EOGT: variants seen among roughly 807,000 people sequenced by gnomAD.
EOGT encodes the protein EGF domain-specific O-linked N-acetylglucosamine transferase.
EOGT carries 55 observed loss-of-function variants against 70.5 expected under a neutral mutation model. The ratio of observed to expected loss-of-function variants is 0.78; its 90% CI spans 0.63 to 0.98. The LOEUF is 0.98. EOGT is among the 50% of genes least tolerant of loss of function. EOGT has a pLI of 0.00. For synonymous variants in EOGT, 246 were observed against 217.1 expected, an observed-to-expected ratio of 1.13 and a Z score of -1.17; for missense variants, 703 against 641.9, an observed-to-expected ratio of 1.10 and a Z score of -1.03.
At chr3:68,979,547 G>C in intron 16 of EOGT, 121 bp downstream of exon 16, 6 of 1,121,186 alleles carry the variant, frequency 5.4e-6, no homozygotes, top group South Asian at 3.7e-5. Context: ...TTGTCTATAT[G>C]ATGTGACTTC....
chr3:68,984,146 G>A (rs920535912), intron 14 of EOGT, among the ~76,000 whole-genome samples: 3 of 151,986 alleles, frequency 2.0e-5, no homozygotes, highest in Non-Finnish European at 4.4e-5. Flanking sequence ...CTTAACCAGT[G>A]CACTCTATTG....
intron 7 of EOGT, 62 bp downstream of exon 7, chr3:69,005,078 A>T: frequency 1.1e-6 from 1 of 938,464 alleles, no homozygotes; most frequent in Non-Finnish European, 1.6e-6. Context: ...AAAAAAAAAA[A>T]TCCCTGGATC....
chr3:69,009,002 C>A (rs1320958253), intron 4 of EOGT, among the ~76,000 whole-genome samples: 1 of 152,212 alleles, frequency 6.6e-6, no homozygotes, highest in Admixed American at 6.5e-5. Context: ...GGGAACCACC[C>A]AGCTGCTGCT....
chr3:68,978,308 G>A (rs764944989), intron 17 of EOGT, 25 bp downstream of exon 17: 1 of 1,538,908 alleles, frequency 6.5e-7, no homozygotes, highest in Non-Finnish European at 8.9e-7. Context: ...AATGAAGCAA[G>A]GTAAGTTTTG....
intron 14 of EOGT, among the ~76,000 whole-genome samples, chr3:68,985,354 G>C (rs1354570028): frequency 6.6e-6 from 1 of 152,026 alleles, no homozygotes; most frequent in Admixed American, 6.6e-5. Context: ...AATCCATATG[G>C]GTCTCAGGAA....
intron 14 of EOGT, among the ~76,000 whole-genome samples, chr3:68,986,259 T>A (rs2090804412): frequency 6.6e-6 from 1 of 152,194 alleles, no homozygotes; most frequent in Admixed American, 6.5e-5. Context: ...CTTAATTCCA[T>A]CTGCAACCTT....
intron 3 of EOGT, among the ~76,000 whole-genome samples, chr3:69,011,051 A>G (rs2091561278): frequency 6.6e-6 from 1 of 152,170 alleles, no homozygotes; most frequent in Non-Finnish European, 1.5e-5. Context: ...ATGCCTTTAC[A>G]TTGTGAACAG....
chr3:68,995,834 G>A (rs2091132484), intron 10 of EOGT, among the ~76,000 whole-genome samples: 1 of 152,120 alleles, frequency 6.6e-6, no homozygotes, highest in South Asian at 2.1e-4. Flanking sequence ...GGAAACTTTG[G>A]TTCTGCCCTC....
In EOGT at chr3:68,998,047, T is replaced by C. The variant is rs776496344; in HGVS notation, c.795A>G (p.Ser265=). 3.1e-6 allele frequency: 5 copies of C among 1,599,326 alleles called. No homozygotes were observed. Among genetic ancestry groups the C allele is most frequent in the Non-Finnish European group, 4.3e-6 (5 of 1,171,818 alleles). ...NLYITQHVNN[S]FSTDVYIVMW... is the part of the protein sequence containing the mutation. ...TCACGATGTACACGTCAGTACTGAATGAGTTATTAACGTGCTGAGTAATAT... is the reference window on the plus strand; with the variant it reads ...TCACGATGTACACGTCAGTACTGAACGAGTTATTAACGTGCTGAGTAATAT... The change falls in exon 10 of 18, where the codon TCA becomes TCG. Residue 265 remains serine, a synonymous_variant. Transcript: ENST00000383701.
intron 10 of EOGT, among the ~76,000 whole-genome samples, chr3:68,992,774 T>C (rs1230615852): frequency 6.6e-6 from 1 of 152,216 alleles, no homozygotes; most frequent in Non-Finnish European, 1.5e-5. Context: ...TGCCAGGGCA[T>C]CTAGGCATTT....
At chr3:68,989,137 A>G (rs1267281359) in intron 10 of EOGT, 120 bp from the exon 11 acceptor site, 12 of 538,102 alleles carry the variant, frequency 2.2e-5, no homozygotes, top group Non-Finnish European at 3.8e-5. Flanking sequence ...ACGCAAGTTC[A>G]TAAAATCCAT....
In EOGT at chr3:69,007,772, A is replaced by T. The variant is rs1173837560; in HGVS notation, c.361T>A (p.Phe121Ile). 1 of 1,613,272 alleles carries T rather than the reference A, an allele frequency of 6.2e-7. No homozygotes were observed. Among genetic ancestry groups the T allele is most frequent in the Non-Finnish European group, 8.5e-7 (1 of 1,179,596 alleles). ...AEDIFWKQAD[F>I]GYARERLEEM... ...TCCAGCCTCTCTCTGGCATATCCAA[A>T]GTCAGCTTGTTTCCAAAATATGTCC... The change falls in exon 6 of 18, where the codon TTT becomes ATT. Residue 121 changes from phenylalanine to isoleucine, a missense_variant. Coordinates refer to ENST00000383701, the MANE Select transcript of EOGT (RefSeq NM_001278689.2).
In EOGT at chr3:68,988,577, C is replaced by T. The variant is rs766923569; in HGVS notation, c.925G>A (p.Val309Ile). ...IHLKTYDSKR[V>I]CFKEAVFSLL... is the part of the protein sequence containing the mutation. ...GAAAAAACAGCTTCTTTAAAACATA[C>T]CTAAGAACAAAGATACATTAAAAGA... Residue 309 changes from valine to isoleucine, a missense_variant and splice_region_variant, in exon 12 of 18, where the codon GTA becomes ATA. Val to Ile is a conservative substitution (Grantham distance 29). Coordinates refer to ENST00000383701, the MANE Select transcript of EOGT (RefSeq NM_001278689.2). The T allele has an allele frequency of 1.1e-5, 17 of 1,522,540 alleles. 1 individual carries two copies. In the South Asian group the frequency reaches 1.6e-4, roughly 14 times the overall value. 94.3% of individuals were successfully genotyped at this position (1,522,540 alleles called of 1,614,324 possible).
At chr3:68,979,034 A>C (rs2090555888) in intron 16 of EOGT, among the ~76,000 whole-genome samples, 1 of 152,214 alleles carries the variant, frequency 6.6e-6, no homozygotes, top group Non-Finnish European at 1.5e-5. Flanking sequence ...ATACAGAGTC[A>C]AATCACTTTT....
chr3:68,975,281 A>AT lies in EOGT; in HGVS notation c.*2336dup, dbSNP rs2090446091. ...AGCCATACCCAAAACATACAATGAA[A>AT]TACATCCCTGTTAAAGACTTAATAA... On this transcript the variant is annotated 3_prime_UTR_variant, in exon 18 of 18. Coordinates refer to ENST00000383701, the MANE Select transcript of EOGT (RefSeq NM_001278689.2). 1 of 152,662 alleles carries AT rather than the reference A, an allele frequency of 6.6e-6. No individual in the cohort carries two copies. Among genetic ancestry groups the AT allele is most frequent in the South Asian group, 2.1e-4 (1 of 4,830 alleles). 9.5% of individuals were successfully genotyped at this position (152,662 alleles called of 1,614,324 possible). A position where few individuals can be genotyped will look rare whatever the true frequency, so the allele number is the denominator to read the frequency against.
intron 14 of EOGT, among the ~76,000 whole-genome samples, chr3:68,984,228 C>A (rs1041567313): frequency 2.0e-5 from 3 of 147,458 alleles, no homozygotes; most frequent in Non-Finnish European, 3.0e-5. Context: ...CTCTCACACT[C>A]ACACACACAC....
In EOGT at chr3:68,978,339, C is replaced by T; in HGVS notation, c.1431G>A (p.Gln477=). The T allele has an allele frequency of 6.2e-7, 1 of 1,611,420 alleles. No individual in the cohort carries two copies. Among genetic ancestry groups the T allele is most frequent in the Non-Finnish European group, 8.5e-7 (1 of 1,178,868 alleles). ...TTTTGTGATTGAACTTTACCTTATC[C>T]TGAGGAAAGACTTTGTTCTGCCGTC... is the stretch of plus-strand genomic sequence containing the variant. The part of the protein sequence containing the change: ...TWRRQNKVFP[Q]DKGHHPTLGE... The change falls in exon 17 of 18, where the codon CAG becomes CAA. Residue 477 remains glutamine, a synonymous_variant. Coordinates refer to ENST00000383701, the MANE Select transcript of EOGT (RefSeq NM_001278689.2).
chr3:68,989,748 CAA>C (rs56000169), intron 10 of EOGT, among the ~76,000 whole-genome samples: 1 of 93,226 alleles, frequency 1.1e-5, no homozygotes, highest in Non-Finnish European at 2.0e-5. Flanking sequence ...AACTCCATCT[CAA>C]AAAAAAAAAA....
At chr3:68,993,742 A>T (rs2091063719) in intron 10 of EOGT, among the ~76,000 whole-genome samples, 1 of 152,170 alleles carries the variant, frequency 6.6e-6, no homozygotes. Flanking sequence ...AAGAGGTTTA[A>T]CTGGACTTAC....
Sources: gnomAD v4.1 joint callset for allele counts (sites outside exome capture counted in the v4.1 genomes callset) on GRCh38, gnomAD v4.1.1 for gene constraint, MANE v1.5 for transcripts, NCBI Gene and HGNC (gene_info 2026-07-23, HGNC 2026-07-21) for gene names.